PIK3CG: variants seen among roughly 807,000 people sequenced by gnomAD.
PIK3CG encodes phosphatidylinositol 4,5-bisphosphate 3-kinase catalytic subunit gamma isoform.
A neutral mutation model predicts 102.3 loss-of-function variants in PIK3CG; 55 were observed. The observed-to-expected ratio is 0.54, with a 90% CI of 0.43 to 0.67. The LOEUF (loss-of-function observed/expected upper bound fraction) is 0.67, where lower values mean the gene tolerates loss of function less well. PIK3CG is among the 30% of genes least tolerant of loss of function. The probability of loss-of-function intolerance (pLI) is 0.00; values close to 1 mark genes in which losing one functional copy is unlikely to be tolerated. For synonymous variants in PIK3CG, 552 were observed against 540.0 expected, an observed-to-expected ratio of 1.02 and a Z score of -0.31; for missense variants, 1,258 against 1,391.8, an observed-to-expected ratio of 0.90 and a Z score of 1.53.
chr7:106,867,449 C>T lies in PIK3CG; in HGVS notation c.-12-101C>T, dbSNP rs1021589723. On this transcript the variant is annotated intron_variant, in intron 1 of 10. Coordinates refer to ENST00000496166, the MANE Select transcript of PIK3CG (RefSeq NM_001282426.2). The surrounding 1 kb of genome is among the most constrained non-coding windows in gnomAD (Gnocchi z 5.1). ...TACTTGGTCCCTCTGGGTCCCTGTG[C>T]ACATGTACGCCGCCTATACCTCCTC... 3.6e-5 allele frequency: 39 copies of T among 1,068,786 alleles called. No homozygotes were observed. Among genetic ancestry groups the T allele is most frequent in the Admixed American group, 3.0e-4 (13 of 42,974 alleles). The allele number at this position is 1,068,786 out of a possible 1,614,324, so 66.2% of individuals were successfully genotyped here.
rs1470034322 is a variant in PIK3CG at position 106,867,377 on chromosome 7, A to G, written c.-12-173A>G. ...GGCTGGGCCAGGACTCACCGGCCCG[A>G]CTCCAAAGCCCACGCTCTGAAGGGC... On this transcript the variant is annotated intron_variant, in intron 1 of 10. Transcript: ENST00000496166. The surrounding 1 kb of genome is among the most constrained non-coding windows in gnomAD (Gnocchi z 5.1). 1.3e-5 allele frequency among the ~76,000 whole-genome samples: 2 copies of G among 152,032 alleles called. No individual in the cohort carries two copies. Among genetic ancestry groups the G allele is most frequent in the African/African-American group, 4.8e-5 (2 of 41,380 alleles).
chr7:106,886,051 T>C (rs2116559118), intron 9 of PIK3CG, 84 bp from the exon 10 acceptor site: 1 of 1,225,858 alleles, frequency 8.2e-7, no homozygotes, highest in Non-Finnish European at 1.2e-6. Context: ...ACAAGATAGC[T>C]CATTTTTAGG....
rs1791728249 is a variant in PIK3CG, at chr7:106,907,806, A to T, written c.*2419A>T. Among the ~76,000 whole-genome samples the T allele has an allele frequency of 7.0e-6, 1 of 143,754 alleles. No homozygotes were observed. Among genetic ancestry groups the T allele is most frequent in the East Asian group, 2.0e-4 (1 of 4,950 alleles). 94.3% of individuals were successfully genotyped at this position (143,754 alleles called of 152,430 possible). On this transcript the variant is annotated 3_prime_UTR_variant, in exon 11 of 11. Transcript: ENST00000496166. ...TATATATATATCACACATATATATC[A>T]CAGTTTTATATATATATATGTATGT...
chr7:106,871,243 A>T (rs1457897539), intron 2 of PIK3CG, among the ~76,000 whole-genome samples: 1 of 152,214 alleles, frequency 6.6e-6, no homozygotes, highest in Non-Finnish European at 1.5e-5. Context: ...ACAGAAGTGA[A>T]ACCTGAAGAA....
At chr7:106,885,280 A>T (rs1202091681) in intron 9 of PIK3CG, among the ~76,000 whole-genome samples, 4 of 152,178 alleles carry the variant, frequency 2.6e-5, no homozygotes, top group African/African-American at 9.6e-5. Flanking sequence ...GGAGAGGGTC[A>T]TATCCCAGAA....
At chr7:106,885,596 T>C (rs1791062734) in intron 9 of PIK3CG, among the ~76,000 whole-genome samples, 1 of 151,646 alleles carries the variant, frequency 6.6e-6, no homozygotes, top group Admixed American at 6.6e-5. Context: ...ATGATGATTA[T>C]TGTGGTGGTG....
Position 106,905,605 on chromosome 7 carries a change from T to G in PIK3CG, c.*218T>G. ...GTGCTAGGATTATTTGCAGGTTTGG[T>G]TTTTTCTCATTTGTCTGTGGCATTG... is the stretch of plus-strand genomic sequence containing the variant. On this transcript the variant is annotated 3_prime_UTR_variant, in exon 11 of 11. Transcript: ENST00000496166. This position sits in a 1 kb window ranked among gnomAD's most constrained non-coding sequence, Gnocchi z 5.6. 1.8e-6 allele frequency: 1 copy of G among 544,444 alleles called. No individual in the cohort carries two copies. The highest frequency in any genetic ancestry group is 3.0e-5 in the East Asian group (1 of 33,112). The allele number at this position is 544,444 out of a possible 1,614,324, so 33.7% of individuals were successfully genotyped here. A position where few individuals can be genotyped will look rare whatever the true frequency, so the allele number is the denominator to read the frequency against.
Position 106,884,116 on chromosome 7 carries a change from A to C in PIK3CG, c.2761-39A>C. The C allele has an allele frequency of 1.4e-6, 2 of 1,380,506 alleles. No individual in the cohort carries two copies. The highest frequency in any genetic ancestry group is 1.8e-4 in the Middle Eastern group (1 of 5,522). The allele number at this position is 1,380,506 out of a possible 1,614,324, so 85.5% of individuals were successfully genotyped here. A position where few individuals can be genotyped will look rare whatever the true frequency, so the allele number is the denominator to read the frequency against. On this transcript the variant is annotated intron_variant, in intron 8 of 10. Coordinates refer to ENST00000496166, the MANE Select transcript of PIK3CG (RefSeq NM_001282426.2). This position sits in a 1 kb window ranked among gnomAD's most constrained non-coding sequence, Gnocchi z 4.2. ...TTTGTAGATTCATGATGCTTTTTGT[A>C]GTTAGAAGACAACTAATATTCAAAT...
At chr7:106,889,510 G>T (rs1273490053) in intron 10 of PIK3CG, among the ~76,000 whole-genome samples, 1 of 152,120 alleles carries the variant, frequency 6.6e-6, no homozygotes, top group Non-Finnish European at 1.5e-5. Flanking sequence ...GCCATTTTTA[G>T]GGAAGCTGGG....
rs1229100609 is a variant in PIK3CG, at chr7:106,893,062, G to T, written c.3030+6770G>T. On this transcript the variant is annotated intron_variant, in intron 10 of 10. Coordinates refer to ENST00000496166, the MANE Select transcript of PIK3CG (RefSeq NM_001282426.2). The surrounding 1 kb of genome is among the most constrained non-coding windows in gnomAD (Gnocchi z 4.4). ...GAGGTGGAGGGTAGAGCAAAGCAAAGAAGTCATTTGGAGCTCATTCGATTA... is the reference window on the plus strand; with the variant it reads ...GAGGTGGAGGGTAGAGCAAAGCAAATAAGTCATTTGGAGCTCATTCGATTA... Among the ~76,000 whole-genome samples the T allele has an allele frequency of 6.6e-6, 1 of 152,148 alleles. No homozygotes were observed. The highest frequency in any genetic ancestry group is 2.4e-5 in the African/African-American group (1 of 41,426).
rs1052561479 is a variant in PIK3CG, at chr7:106,891,587, A to T, written c.3030+5295A>T. 1.3e-5 allele frequency among the ~76,000 whole-genome samples: 2 copies of T among 152,152 alleles called. No homozygotes were observed. The highest frequency in any genetic ancestry group is 4.8e-5 in the African/African-American group (2 of 41,424). ...GGCAGGAACAACTCGTTCTTTTATA[A>T]ACAAGCATTTTGGAGATGCTCTGTG... On this transcript the variant is annotated intron_variant, in intron 10 of 10. Transcript: ENST00000496166. The surrounding 1 kb of genome is among the most constrained non-coding windows in gnomAD (Gnocchi z 4.4).
At position 106,906,105 on chromosome 7, in the gene PIK3CG, T is replaced by A; in HGVS notation, c.*718T>A. The A allele has an allele frequency of 4.4e-6, 1 of 226,106 alleles. No individual in the cohort carries two copies. Among genetic ancestry groups the A allele is most frequent in the East Asian group, 6.3e-5 (1 of 15,782 alleles). 14.0% of individuals were successfully genotyped at this position (226,106 alleles called of 1,614,324 possible). A position where few individuals can be genotyped will look rare whatever the true frequency, so the allele number is the denominator to read the frequency against. The stretch of plus-strand genomic sequence containing the variant: ...CACAAGAGTGAGTTATCTAGTATGA[T>A]TAGTATAGCTTTCTCCAGCATGGCA... On this transcript the variant is annotated 3_prime_UTR_variant, in exon 11 of 11. Transcript: ENST00000496166.
At chr7:106,870,444 A>G (rs938908705) in intron 2 of PIK3CG, among the ~76,000 whole-genome samples, 2 of 152,228 alleles carry the variant, frequency 1.3e-5, no homozygotes, top group Non-Finnish European at 2.9e-5. Context: ...TAGAAATGCT[A>G]TTTTAGAGCA....
chr7:106,887,739 A>G (rs1489001929), intron 10 of PIK3CG, among the ~76,000 whole-genome samples: 1 of 151,980 alleles, frequency 6.6e-6, no homozygotes, highest in Non-Finnish European at 1.5e-5. Context: ...ACTTCCTGGA[A>G]CAGAGAAATG....
Position 106,907,714 on chromosome 7 carries a change from A to C in PIK3CG, c.*2327A>C, listed in dbSNP as rs1791721934. ...CCTCTTCAAATGAACCAGTTCTTTC[A>C]TTTCATTATGCTAATATATATATAT... On this transcript the variant is annotated 3_prime_UTR_variant, in exon 11 of 11. Transcript: ENST00000496166. 8.2e-6 allele frequency among the ~76,000 whole-genome samples: 1 copy of C among 122,350 alleles called. No homozygotes were observed. The highest frequency in any genetic ancestry group is 2.7e-5 in the African/African-American group (1 of 37,042). 80.3% of individuals were successfully genotyped at this position (122,350 alleles called of 152,430 possible). A position where few individuals can be genotyped will look rare whatever the true frequency, so the allele number is the denominator to read the frequency against.
chr7:106,904,483 G>A (rs532607319), intron 10 of PIK3CG, among the ~76,000 whole-genome samples: 4 of 152,256 alleles, frequency 2.6e-5, no homozygotes, highest in African/African-American at 7.2e-5. Flanking sequence ...TAGCTCACCT[G>A]TATCACCTGC....
At position 106,905,642 on chromosome 7, in the gene PIK3CG, C is replaced by T. The variant is rs3173908; in HGVS notation, c.*255C>T. ...TGTCTGTGGCATTGGAGAATATTCT[C>T]GGTTTAAACAGACTAATGACTTCCT... On this transcript the variant is annotated 3_prime_UTR_variant, in exon 11 of 11. Coordinates refer to ENST00000496166, the MANE Select transcript of PIK3CG (RefSeq NM_001282426.2). This position sits in a 1 kb window ranked among gnomAD's most constrained non-coding sequence, Gnocchi z 5.6. The T allele has an allele frequency of 0.24, 114,240 of 479,342 alleles. 14,681 individuals carry two copies. The highest frequency in any genetic ancestry group is 0.32 in the East Asian group (9,255 of 28,986). The allele number at this position is 479,342 out of a possible 1,614,324, so 29.7% of individuals were successfully genotyped here.
Position 106,879,464 on chromosome 7 carries a change from C to T in PIK3CG, c.2392-55C>T, listed in dbSNP as rs2116520883. Reference sequence around the variant, plus strand: ...TTTTGCAAGAGAATTTGTGTCTCCACCATGTATATTCGTTATTCATTGTGT... The same window carrying T: ...TTTTGCAAGAGAATTTGTGTCTCCATCATGTATATTCGTTATTCATTGTGT... On this transcript the variant is annotated intron_variant, in intron 5 of 10. Coordinates refer to ENST00000496166, the MANE Select transcript of PIK3CG (RefSeq NM_001282426.2). The surrounding 1 kb of genome is among the most constrained non-coding windows in gnomAD (Gnocchi z 4.9). 1 of 1,388,972 alleles carries T rather than the reference C, an allele frequency of 7.2e-7. No individual in the cohort carries two copies. Among genetic ancestry groups the T allele is most frequent in the South Asian group, 1.2e-5 (1 of 85,384 alleles). 86.0% of individuals were successfully genotyped at this position (1,388,972 alleles called of 1,614,324 possible). A position where few individuals can be genotyped will look rare whatever the true frequency, so the allele number is the denominator to read the frequency against.
rs371382613 is a variant in PIK3CG at position 106,882,108 on chromosome 7, G to A, written c.2539-9G>A. ...TATAATATAAACATTTCTGTGTTTC[G>A]ATGCCCAGATTCTACGAATCATGGA... On this transcript the variant is annotated splice_polypyrimidine_tract_variant and intron_variant, in intron 6 of 10. Transcript: ENST00000496166. The A allele has an allele frequency of 1.6e-4, 220 of 1,400,420 alleles. 2 individuals carry two copies. Among genetic ancestry groups the A allele is most frequent in the Admixed American group, 4.8e-4 (20 of 41,902 alleles). The allele number at this position is 1,400,420 out of a possible 1,614,324, so 86.7% of individuals were successfully genotyped here. A position where few individuals can be genotyped will look rare whatever the true frequency, so the allele number is the denominator to read the frequency against.
Sources: allele counts gnomAD v4.1 joint callset (sites outside exome capture counted in the v4.1 genomes callset), GRCh38; gene constraint gnomAD v4.1.1; non-coding constraint Gnocchi (gnomAD v3.1); transcripts MANE v1.5; gene names NCBI Gene and HGNC (gene_info 2026-07-23, HGNC 2026-07-21).